Variants in HPSE2 observed in about 807,000 individuals in gnomAD.
HPSE2 encodes inactive heparanase-2.
HPSE2 carries 38 observed loss-of-function variants against 60.5 expected under a neutral mutation model. The ratio of observed to expected loss-of-function variants is 0.63; its 90% confidence interval spans 0.48 to 0.82. The LOEUF is 0.82. HPSE2 is among the 40% of genes least tolerant of loss of function. The probability of loss-of-function intolerance (pLI) is 0.00; values close to 1 mark genes in which losing one functional copy is unlikely to be tolerated. For synonymous variants in HPSE2, 295 were observed against 293.2 expected (o/e 1.01, Z -0.06); for missense variants, 713 against 740.4 (o/e 0.96, Z 0.43).
chr10:98,724,496 C>G (rs1015352561), intron 4 of HPSE2, among the ~76,000 whole-genome samples: 27 of 152,110 alleles, frequency 1.8e-4, no homozygotes, highest in African/African-American at 6.0e-4. Context: ...TGGTGCAGAG[C>G]TGAGTTCAAT....
At chr10:98,695,380 G>A (rs188117096) in intron 5 of HPSE2, among the ~76,000 whole-genome samples, 229 of 152,268 alleles carry the variant, frequency 1.5e-3, no homozygotes, top group Non-Finnish European at 3.1e-3. Context: ...CAGTCCTCAA[G>A]CAAGAAAGTA....
intron 10 of HPSE2, among the ~76,000 whole-genome samples, chr10:98,485,286 C>T (rs528621275): frequency 6.6e-6 from 1 of 152,254 alleles, no homozygotes; most frequent in South Asian, 2.1e-4. Context: ...TTAGAACAAT[C>T]CATTAAGATT....
rs1326831560 is a variant in HPSE2, at chr10:98,936,993, A to AC, written c.611-192938_611-192937insG. 2.1e-5 allele frequency among the ~76,000 whole-genome samples: 3 copies of AC among 140,742 alleles called. 1 individual carries two copies. The highest frequency in any genetic ancestry group is 8.9e-5 in the African/African-American group (3 of 33,676). The allele number at this position is 140,742 out of a possible 152,430, so 92.3% of individuals were successfully genotyped here. A position where few individuals can be genotyped will look rare whatever the true frequency, so the allele number is the denominator to read the frequency against. ...GACTCCATCTCAAAAAAAAAAAAAA[A>AC]AAAAAAAAAAAACAAGTTTTCCAAC... is the stretch of plus-strand genomic sequence containing the variant. On this transcript the variant is annotated intron_variant, in intron 3 of 11. Transcript: ENST00000370552.
At chr10:98,945,014 T>C (rs534798016) in intron 3 of HPSE2, among the ~76,000 whole-genome samples, 2 of 152,158 alleles carry the variant, frequency 1.3e-5, no homozygotes, top group Non-Finnish European at 2.9e-5. Flanking sequence ...CACGCCACAA[T>C]GGTTGCTCAA....
chr10:98,554,854 C>T (rs2133860479), intron 9 of HPSE2, among the ~76,000 whole-genome samples: 1 of 152,248 alleles, frequency 6.6e-6, no homozygotes, highest in South Asian at 2.1e-4. Context: ...AAAGGGGTTG[C>T]TCTAGATCAC....
intron 5 of HPSE2, among the ~76,000 whole-genome samples, chr10:98,705,700 A>G (rs1303960173): frequency 6.6e-6 from 1 of 152,174 alleles, no homozygotes; most frequent in Non-Finnish European, 1.5e-5. Flanking sequence ...GTGGGAGCTG[A>G]ACAATGAGAA....
intron 3 of HPSE2, among the ~76,000 whole-genome samples, chr10:98,905,024 C>A (rs1235304110): frequency 2.0e-5 from 3 of 152,064 alleles, no homozygotes; most frequent in African/African-American, 7.2e-5. Flanking sequence ...AATACCTTAT[C>A]GCCAGCTCTT....
At position 98,970,702 on chromosome 10, in the gene HPSE2, G is replaced by A. The variant is rs141363744; in HGVS notation, c.610+173536C>T. Among the ~76,000 whole-genome samples the A allele has an allele frequency of 1.9e-3, 294 of 152,240 alleles. 3 individuals carry two copies. The highest frequency in any genetic ancestry group is 6.8e-3 in the African/African-American group (282 of 41,542). On this transcript the variant is annotated intron_variant, in intron 3 of 11. Coordinates refer to ENST00000370552, the MANE Select transcript of HPSE2 (RefSeq NM_021828.5). ...ACTTTTCTGATTGTATCAAGTATCT[G>A]AAACCACCCTGTGACTTCATGAGAG...
At chr10:98,509,874 G>C (rs1289815324) in intron 9 of HPSE2, among the ~76,000 whole-genome samples, 1 of 151,932 alleles carries the variant, frequency 6.6e-6, no homozygotes, top group Non-Finnish European at 1.5e-5. Context: ...AACAACGGCA[G>C]CATTTCTCTT....
At chr10:98,505,209 A>G (rs1265901798) in intron 9 of HPSE2, among the ~76,000 whole-genome samples, 1 of 152,184 alleles carries the variant, frequency 6.6e-6, no homozygotes, top group Non-Finnish European at 1.5e-5. Context: ...ATGTTACTCC[A>G]ACTGTGACTG....
chr10:98,797,843 C>CA (rs375567253), intron 3 of HPSE2, among the ~76,000 whole-genome samples: 482 of 150,180 alleles, frequency 3.2e-3, no homozygotes, highest in Middle Eastern at 6.8e-3. Flanking sequence ...GACTCCGCCT[C>CA]AAAAAAACAA....
chr10:99,119,803 C>G (rs1844872928), intron 3 of HPSE2, among the ~76,000 whole-genome samples: 1 of 152,126 alleles, frequency 6.6e-6, no homozygotes, highest in Non-Finnish European at 1.5e-5. Context: ...ACATCTAAAA[C>G]CATCTGATCT....
intron 3 of HPSE2, among the ~76,000 whole-genome samples, chr10:98,888,902 T>C (rs1055195676): frequency 2.0e-5 from 3 of 152,176 alleles, no homozygotes; most frequent in African/African-American, 7.2e-5. Flanking sequence ...TCATAATTAG[T>C]AATCTTGGTT....
At chr10:98,478,135 C>T (rs1020863128) in intron 11 of HPSE2, among the ~76,000 whole-genome samples, 2 of 152,162 alleles carry the variant, frequency 1.3e-5, no homozygotes, top group African/African-American at 4.8e-5. Context: ...CTGTATTTTG[C>T]AGATGCCCCC....
chr10:99,033,774 C>T (rs1405638424), intron 3 of HPSE2, among the ~76,000 whole-genome samples: 1 of 151,428 alleles, frequency 6.6e-6, no homozygotes, highest in Admixed American at 6.6e-5. Context: ...GTGACAGAGA[C>T]TCCGTCTCAA....
intron 3 of HPSE2, among the ~76,000 whole-genome samples, chr10:99,007,084 C>A (rs773617656): frequency 6.6e-6 from 1 of 152,122 alleles, no homozygotes; most frequent in Non-Finnish European, 1.5e-5. Context: ...GGATTATTGA[C>A]ACTAGCCCAC....
At chr10:98,717,954 A>G (rs917050253) in intron 5 of HPSE2, among the ~76,000 whole-genome samples, 3 of 152,064 alleles carry the variant, frequency 2.0e-5, no homozygotes, top group Non-Finnish European at 4.4e-5. Flanking sequence ...TGGATATATA[A>G]TTTTTTTAGA....
chr10:99,154,232 G>C (rs1256184557), intron 2 of HPSE2, among the ~76,000 whole-genome samples: 17 of 140,138 alleles, frequency 1.2e-4, no homozygotes, highest in African/African-American at 3.3e-4. Context: ...CCAACATTCA[G>C]ATTCAGGAAA....
At chr10:98,839,860 GTGA>G (rs1488697486) in intron 3 of HPSE2, among the ~76,000 whole-genome samples, 1 of 152,156 alleles carries the variant, frequency 6.6e-6, no homozygotes, top group Non-Finnish European at 1.5e-5. Context: ...GGAGGAGAGA[GTGA>G]TGATGATAAA....
Sources: allele counts gnomAD v4.1 joint callset (sites outside exome capture counted in the v4.1 genomes callset), GRCh38; gene constraint gnomAD v4.1.1; transcripts MANE v1.5; gene names NCBI Gene and HGNC (gene_info 2026-07-23, HGNC 2026-07-21).